LRBA: variants seen among roughly 807,000 people sequenced by gnomAD.
LRBA encodes the protein LPS responsive beige-like anchor protein.
LRBA carries 176 observed loss-of-function variants against 330.0 expected under a neutral mutation model. The observed-to-expected ratio is 0.53, with a 90% CI of 0.47 to 0.60. The LOEUF (loss-of-function observed/expected upper bound fraction) is 0.60, where lower values mean the gene tolerates loss of function less well. Among genes scored for constraint, LRBA ranks in the 20% least tolerant of loss-of-function variants. The pLI is 0.00. For missense variants in LRBA, 3,259 were observed against 3,444.8 expected (o/e 0.95, Z 1.35); for synonymous variants, 1,230 against 1,193.0 (o/e 1.03, Z -0.64).
At chr4:150,351,760 C>T (rs1470801455) in intron 47 of LRBA, among the ~76,000 whole-genome samples, 1 of 152,120 alleles carries the variant, frequency 6.6e-6, no homozygotes, top group Admixed American at 6.6e-5. Context: ...CTTCGAAGAC[C>T]CCCAGTAGAT....
chr4:150,279,959 G>A (rs960104551), intron 55 of LRBA, among the ~76,000 whole-genome samples: 2 of 152,190 alleles, frequency 1.3e-5, no homozygotes, highest in Non-Finnish European at 2.9e-5. Context: ...TACTGGATAA[G>A]TGTTATACTA....
At chr4:150,768,003 G>A (rs1222468607) in intron 34 of LRBA, among the ~76,000 whole-genome samples, 2 of 145,592 alleles carry the variant, frequency 1.4e-5, no homozygotes, top group Non-Finnish European at 3.0e-5. Flanking sequence ...GGCAGAGGTT[G>A]CAGTGAGCCA....
intron 44 of LRBA, among the ~76,000 whole-genome samples, chr4:150,440,717 C>T (rs781304572): frequency 7.2e-5 from 11 of 151,926 alleles, no homozygotes; most frequent in Admixed American, 2.6e-4. Context: ...GCTGTAATCG[C>T]GCCACTGTAC....
At chr4:150,889,973 T>C (rs1265321740) in intron 17 of LRBA, among the ~76,000 whole-genome samples, 1 of 151,500 alleles carries the variant, frequency 6.6e-6, no homozygotes, top group Non-Finnish European at 1.5e-5. Flanking sequence ...GCAATAAAAA[T>C]AAAATAGAAA....
intron 34 of LRBA, among the ~76,000 whole-genome samples, chr4:150,795,172 G>A (rs540087613): frequency 6.6e-6 from 1 of 152,180 alleles, no homozygotes; most frequent in East Asian, 1.9e-4. Flanking sequence ...TGAATGCAAC[G>A]TCAAGTCTTT....
chr4:151,005,144 G>C (rs191844401), intron 2 of LRBA, among the ~76,000 whole-genome samples: 1 of 151,384 alleles, frequency 6.6e-6, no homozygotes. Context: ...CAGAATCCAA[G>C]ATTATAAAAC....
At chr4:150,744,171 G>A (rs968046597) in intron 35 of LRBA, among the ~76,000 whole-genome samples, 1 of 152,038 alleles carries the variant, frequency 6.6e-6, no homozygotes, top group Admixed American at 6.6e-5. Context: ...CTGATTCTAC[G>A]ATAGAAAAAA....
At chr4:150,570,633 G>C (rs755353526) in intron 40 of LRBA, among the ~76,000 whole-genome samples, 11 of 151,936 alleles carry the variant, frequency 7.2e-5, no homozygotes, top group Non-Finnish European at 1.0e-4. Flanking sequence ...TAACTATAAA[G>C]CATTTGTTCA....
intron 40 of LRBA, among the ~76,000 whole-genome samples, chr4:150,508,263 C>T (rs1761396185): frequency 8.1e-6 from 1 of 123,366 alleles, no homozygotes; most frequent in South Asian, 3.1e-4. Flanking sequence ...GAGAAAAAGA[C>T]ATCACATGAG....
chr4:150,757,812 C>T (rs1035279874), intron 35 of LRBA, among the ~76,000 whole-genome samples: 4 of 152,096 alleles, frequency 2.6e-5, no homozygotes, highest in African/African-American at 9.7e-5. Flanking sequence ...TCCACTATTT[C>T]ACTAATGAAT....
chr4:150,921,439 A>G (rs1733257522), intron 4 of LRBA, 146 bp from the exon 5 acceptor site: 4 of 601,652 alleles, frequency 6.6e-6, no homozygotes, highest in East Asian at 2.9e-5. Flanking sequence ...TTATTTTCAA[A>G]TATCTTAAAG....
intron 40 of LRBA, among the ~76,000 whole-genome samples, chr4:150,510,659 T>C (rs932854303): frequency 2.0e-5 from 3 of 152,264 alleles, no homozygotes; most frequent in Non-Finnish European, 2.9e-5. Context: ...GTGGAATTCT[T>C]AGCCTTCTTA....
At chr4:150,636,335 G>T (rs1468717521) in intron 37 of LRBA, among the ~76,000 whole-genome samples, 1 of 151,802 alleles carries the variant, frequency 6.6e-6, no homozygotes, top group African/African-American at 2.4e-5. Context: ...ATAATTTATT[G>T]CTATCTATTA....
chr4:150,385,019 C>G (rs1236694027), intron 47 of LRBA, among the ~76,000 whole-genome samples: 1 of 151,916 alleles, frequency 6.6e-6, no homozygotes, highest in Non-Finnish European at 1.5e-5. Flanking sequence ...CTAAGAATGC[C>G]TAAAAGTTGT....
intron 22 of LRBA, among the ~76,000 whole-genome samples, chr4:150,861,924 T>C (rs1200520026): frequency 6.7e-6 from 1 of 149,854 alleles, no homozygotes; most frequent in Non-Finnish European, 1.5e-5. Context: ...GAGGTTGCAG[T>C]GGGCCAAGAT....
At chr4:150,464,657 C>G (rs1035750951) in intron 44 of LRBA, among the ~76,000 whole-genome samples, 2 of 151,912 alleles carry the variant, frequency 1.3e-5, no homozygotes, top group African/African-American at 4.8e-5. Flanking sequence ...TAGTTGGACT[C>G]CTTCATACGT....
intron 40 of LRBA, among the ~76,000 whole-genome samples, chr4:150,534,641 G>T (rs1764447065): frequency 6.6e-6 from 1 of 151,910 alleles, no homozygotes; most frequent in Non-Finnish European, 1.5e-5. Context: ...AAAGCTGTAA[G>T]AACATGCTAC....
At chr4:150,979,790 C>G (rs1459145257) in intron 2 of LRBA, among the ~76,000 whole-genome samples, 3 of 152,108 alleles carry the variant, frequency 2.0e-5, no homozygotes, top group Non-Finnish European at 4.4e-5. Flanking sequence ...AATCCAAAGT[C>G]TAAACAGACC....
At chr4:150,402,056 C>T (rs1423406280) in intron 47 of LRBA, among the ~76,000 whole-genome samples, 1 of 150,328 alleles carries the variant, frequency 6.7e-6, no homozygotes, top group African/African-American at 2.5e-5. Flanking sequence ...TTTCAGAGGC[C>T]GAGACGGGCA....
Sources: allele counts gnomAD v4.1 joint callset (sites outside exome capture counted in the v4.1 genomes callset), GRCh38; gene constraint gnomAD v4.1.1; transcripts MANE v1.5; gene names NCBI Gene and HGNC (gene_info 2026-07-23, HGNC 2026-07-21).